Variants in ALLC observed in about 807,000 individuals in gnomAD.
ALLC encodes probable inactive allantoicase.
In ALLC, 40 loss-of-function variants were observed where a neutral mutation model predicts 45.0. That is an observed-to-expected ratio of 0.89 (90% CI 0.69 to 1.16). ALLC has a LOEUF of 1.16. ALLC is among the 50% of genes most tolerant of loss of function. The probability of loss-of-function intolerance (pLI) is 0.00; values close to 1 mark genes in which losing one functional copy is unlikely to be tolerated. For missense variants in ALLC, 488 were observed against 493.1 expected (o/e 0.99, Z 0.10); for synonymous variants, 176 against 178.1 (o/e 0.99, Z 0.09).
In ALLC at chr2:3,680,514, G is replaced by T. The variant is rs13412827; in HGVS notation, c.298+520G>T. 6.6e-6 allele frequency among the ~76,000 whole-genome samples: 1 copy of T among 152,172 alleles called. No individual in the cohort carries two copies. The highest frequency in any genetic ancestry group is 1.5e-5 in the Non-Finnish European group (1 of 68,044). On this transcript the variant is annotated intron_variant, in intron 5 of 11. Transcript: ENST00000252505. The surrounding 1 kb of genome is among the most constrained non-coding windows in gnomAD (Gnocchi z 4.0). ...TAAATGAGACGTATTCTGTGAAAGG[G>T]CCATATACACAGAGCAGACCTCAGG...
intron 1 of ALLC, among the ~76,000 whole-genome samples, chr2:3,658,876 C>CAA (rs566003324): frequency 0.17 from 11,414 of 68,858 alleles, 629 homozygotes; most frequent in East Asian, 0.22. Context: ...GACCCTGTCT[C>CAA]AAAAAAAAAA....
Position 3,680,556 on chromosome 2 carries a change from A to G in ALLC, c.298+562A>G, listed in dbSNP as rs1222494057. 6.6e-6 allele frequency among the ~76,000 whole-genome samples: 1 copy of G among 152,276 alleles called. No individual in the cohort carries two copies. Among genetic ancestry groups the G allele is most frequent in the Non-Finnish European group, 1.5e-5 (1 of 68,052 alleles). On this transcript the variant is annotated intron_variant, in intron 5 of 11. Coordinates refer to ENST00000252505, the MANE Select transcript of ALLC (RefSeq NM_018436.4). This position sits in a 1 kb window ranked among gnomAD's most constrained non-coding sequence, Gnocchi z 4.0. Reference sequence around the variant, plus strand: ...GACCTCAGGTGCTGAAGAAGCCAAGAAACCAAAGAAAGAGGCTGACAAATC... The same window carrying G: ...GACCTCAGGTGCTGAAGAAGCCAAGGAACCAAAGAAAGAGGCTGACAAATC...
chr2:3,689,706 T>G (rs1363591394), intron 7 of ALLC, among the ~76,000 whole-genome samples: 3 of 150,948 alleles, frequency 2.0e-5, no homozygotes, highest in Non-Finnish European at 3.0e-5. Context: ...TGTTCTGTAA[T>G]GTCAGTTAGG....
At chr2:3,682,069 CG>C (rs1050270960) in intron 6 of ALLC, among the ~76,000 whole-genome samples, 23 of 151,510 alleles carry the variant, frequency 1.5e-4, no homozygotes, top group African/African-American at 5.6e-4. Context: ...ATAAAAGAAA[CG>C]GGGGAAAAAA....
intron 2 of ALLC, among the ~76,000 whole-genome samples, chr2:3,672,722 G>A (rs1666920705): frequency 1.4e-5 from 2 of 148,036 alleles, no homozygotes; most frequent in South Asian, 2.1e-4. Flanking sequence ...TGGTTAGATC[G>A]GAAGTCCTCT....
chr2:3,664,079 A>G (rs1380701278), intron 1 of ALLC, among the ~76,000 whole-genome samples: 1 of 152,254 alleles, frequency 6.6e-6, no homozygotes, highest in Non-Finnish European at 1.5e-5. Flanking sequence ...CCTCGTACCC[A>G]GCACCTTGTG....
In ALLC at chr2:3,682,892, A is replaced by C. The variant is rs1667230987; in HGVS notation, c.379-50A>C. The C allele has an allele frequency of 5.0e-6, 8 of 1,597,056 alleles. No individual in the cohort carries two copies. The East Asian group carries it at 1.8e-4, about 36-fold the overall frequency. ...TGCCACAGAGGCAATAGGATGACAG[A>C]ATTTATTGTTTTCAAGAGCAATTGC... is the stretch of plus-strand genomic sequence containing the variant. On this transcript the variant is annotated intron_variant, in intron 6 of 11. Transcript: ENST00000252505.
At chr2:3,659,188 T>G (rs967335797) in intron 1 of ALLC, among the ~76,000 whole-genome samples, 2 of 152,196 alleles carry the variant, frequency 1.3e-5, no homozygotes, top group South Asian at 2.1e-4. Flanking sequence ...GGAGTAACTC[T>G]TCCATCAGCA....
the ALLC span, among the ~76,000 whole-genome samples, chr2:3,653,179 A>G: frequency 6.6e-6 from 1 of 152,250 alleles, no homozygotes; most frequent in Admixed American, 6.5e-5. The surrounding 1 kb of genome is among the most constrained non-coding windows in gnomAD (Gnocchi z 4.1). Flanking sequence ...GCCTCCACTC[A>G]GAGCTGGAGC....
At chr2:3,671,759 C>T (rs868480589) in intron 2 of ALLC, among the ~76,000 whole-genome samples, 48 of 79,408 alleles carry the variant, frequency 6.0e-4, no homozygotes, top group African/African-American at 2.6e-3. Flanking sequence ...CTGGTTAGAT[C>T]GGAGGTCCTC....
At chr2:3,674,593 C>T (rs542869468) in intron 3 of ALLC, among the ~76,000 whole-genome samples, 21 of 152,152 alleles carry the variant, frequency 1.4e-4, no homozygotes, top group Non-Finnish European at 2.8e-4. Flanking sequence ...AACTCTTGTG[C>T]GTGGAGAGAC....
At chr2:3,682,801 A>G in intron 6 of ALLC, 141 bp from the exon 7 acceptor site, 2 of 812,960 alleles carry the variant, frequency 2.5e-6, no homozygotes, top group Non-Finnish European at 1.9e-6. Flanking sequence ...CTGGGATTAC[A>G]GGCGTGAGCC....
At chr2:3,701,675 G>A (rs1441132306) in intron 11 of ALLC, 39 bp downstream of exon 11, 5 of 1,585,940 alleles carry the variant, frequency 3.2e-6, no homozygotes, top group Admixed American at 1.7e-5. Context: ...CACTCAGACT[G>A]TGCTATTTCC....
At chr2:3,682,891 G>T in intron 6 of ALLC, 51 bp from the exon 7 acceptor site, 1 of 1,596,516 alleles carries the variant, frequency 6.3e-7, no homozygotes, top group Admixed American at 1.7e-5. Context: ...TAGGATGACA[G>T]AATTTATTGT....
rs1041958366 is a variant in ALLC at position 3,674,268 on chromosome 2, A to G, written c.84+143A>G. The G allele has an allele frequency of 4.2e-6, 3 of 707,430 alleles. No individual in the cohort carries two copies. The African/African-American group carries it at 5.5e-5, about 13-fold the overall frequency. 43.8% of individuals were successfully genotyped at this position (707,430 alleles called of 1,614,324 possible). A position where few individuals can be genotyped will look rare whatever the true frequency, so the allele number is the denominator to read the frequency against. On this transcript the variant is annotated intron_variant, in intron 3 of 11. Transcript: ENST00000252505. ...TAGCATATTAGAATGTTAGAAAGAC[A>G]TGCAAATCAGCATGAACTCATGCCA... is the stretch of plus-strand genomic sequence containing the variant.
At chr2:3,667,658 G>A (rs951161240) in intron 1 of ALLC, among the ~76,000 whole-genome samples, 7 of 152,210 alleles carry the variant, frequency 4.6e-5, no homozygotes, top group African/African-American at 1.7e-4. Context: ...CGACATTCCT[G>A]TGAACTCACA....
intron 2 of ALLC, among the ~76,000 whole-genome samples, chr2:3,673,842 C>T (rs991733649): frequency 2.0e-5 from 3 of 152,100 alleles, no homozygotes; most frequent in Admixed American, 1.3e-4. Context: ...CTCTTACCTC[C>T]AGATGGTAAA....
At chr2:3,675,667 C>T (rs571764595) in intron 3 of ALLC, among the ~76,000 whole-genome samples, 41 of 152,128 alleles carry the variant, frequency 2.7e-4, no homozygotes, top group African/African-American at 8.9e-4. Flanking sequence ...TAACATCACA[C>T]GAGACACATA....
At position 3,696,274 on chromosome 2, in the gene ALLC, G is replaced by T. The variant is rs929802396; in HGVS notation, c.668-1G>T. 6.2e-7 allele frequency: 1 copy of T among 1,612,336 alleles called. No homozygotes were observed. The highest frequency in any genetic ancestry group is 1.7e-4 in the Middle Eastern group (1 of 6,058). On this transcript the variant is annotated splice_acceptor_variant, in intron 8 of 11. Coordinates refer to ENST00000252505, the MANE Select transcript of ALLC (RefSeq NM_018436.4). LOFTEE classifies it high-confidence loss of function. ...CCATTCAACAATGTTATTTTCTGTA[G>T]GAGTTGGCGGGGCAAAGTCTATGGC...
Sources: gnomAD v4.1 joint callset for allele counts (sites outside exome capture counted in the v4.1 genomes callset) on GRCh38, gnomAD v4.1.1 for gene constraint, Gnocchi (gnomAD v3.1) non-coding constraint, MANE v1.5 for transcripts, NCBI Gene and HGNC (gene_info 2026-07-23, HGNC 2026-07-21) for gene names.